The following ADAMTS9 variants were observed in gnomAD, a reference collection of about 807,000 sequenced individuals.
The protein encoded by ADAMTS9 is ADAM metallopeptidase with thrombospondin type 1 motif 9.
ADAMTS9 carries 107 observed loss-of-function variants against 257.1 expected under a neutral mutation model. That is an observed-to-expected ratio of 0.42 (90% CI 0.36 to 0.49). ADAMTS9 has a LOEUF of 0.49. Ranked by LOEUF, ADAMTS9 falls within the 20% of genes least tolerant of loss-of-function variation. The pLI, the probability that ADAMTS9 is intolerant of heterozygous loss-of-function variation, is 0.03. For synonymous variants in ADAMTS9, 982 were observed against 880.9 expected (o/e 1.11, Z -2.03); for missense variants, 2,353 against 2,469.1 (o/e 0.95, Z 1.00).
At chr3:64,606,447 C>A (rs1470769818) in intron 23 of ADAMTS9, among the ~76,000 whole-genome samples, 1 of 152,112 alleles carries the variant, frequency 6.6e-6, no homozygotes, top group Non-Finnish European at 1.5e-5. Context: ...CAGACACATA[C>A]GTACATTGTA....
At chr3:64,605,292 G>A (rs72889095) in intron 23 of ADAMTS9, among the ~76,000 whole-genome samples, 2,385 of 152,264 alleles carry the variant, frequency 0.016, 62 homozygotes, top group African/African-American at 0.054. Context: ...GAATCTGAAA[G>A]GGAGCAGCCA....
intron 9 of ADAMTS9, 77 bp from the exon 10 acceptor site, chr3:64,649,855 AC>A: frequency 6.7e-7 from 1 of 1,489,884 alleles, no homozygotes; most frequent in Non-Finnish European, 9.0e-7. Flanking sequence ...AGTAAAGGCC[AC>A]CCCACCATTG....
intron 39 of ADAMTS9, among the ~76,000 whole-genome samples, chr3:64,518,512 C>G (rs2082809112): frequency 6.6e-6 from 1 of 152,156 alleles, no homozygotes; most frequent in African/African-American, 2.4e-5. Context: ...ATAATGTACT[C>G]AGGTCAGGGA....
At chr3:64,569,664 A>G (rs2083630315) in intron 28 of ADAMTS9, among the ~76,000 whole-genome samples, 1 of 152,210 alleles carries the variant, frequency 6.6e-6, no homozygotes, top group African/African-American at 2.4e-5. Flanking sequence ...AATGTACCAG[A>G]CATGTTTTTC....
Position 64,686,721 on chromosome 3 carries a change from A to T in ADAMTS9, c.363T>A (p.Ala121=). Residue 121 remains alanine (A), a synonymous_variant, in exon 2 of 40, where the codon GCT becomes GCA. Transcript: ENST00000498707. This position sits in a 1 kb window ranked among gnomAD's most constrained non-coding sequence, Gnocchi z 4.6. The part of the protein sequence containing the change: ...FNLTANAGFI[A]PLFTVTLLGT... ...CGAGGAGGGTGACAGTGAACAGTGGAGCGATAAATCCGGCATTGGCGGTGA... is the reference window on the plus strand; with the variant it reads ...CGAGGAGGGTGACAGTGAACAGTGGTGCGATAAATCCGGCATTGGCGGTGA... The T allele has an allele frequency of 6.2e-7, 1 of 1,614,190 alleles. No individual in the cohort carries two copies. Among genetic ancestry groups the T allele is most frequent in the Non-Finnish European group, 8.5e-7 (1 of 1,180,038 alleles).
At chr3:64,648,660 T>C (rs750781225) in intron 10 of ADAMTS9, among the ~76,000 whole-genome samples, 11 of 152,190 alleles carry the variant, frequency 7.2e-5, no homozygotes, top group Non-Finnish European at 1.5e-4. Context: ...AGTTTCAAAC[T>C]ACCCAGTCTT....
chr3:64,628,663 T>C (rs1274873287), intron 16 of ADAMTS9, among the ~76,000 whole-genome samples: 2 of 152,144 alleles, frequency 1.3e-5, no homozygotes, highest in African/African-American at 4.8e-5. Flanking sequence ...ATGTTTGGGG[T>C]AGTGAAAAGC....
chr3:64,601,985 C>T lies in ADAMTS9; in HGVS notation c.3976G>A (p.Val1326Met). The change falls in exon 26 of 40, where the codon GTG becomes ATG. Residue 1326 changes from valine (V) to methionine (M), a missense_variant. Physicochemically the swap from Val to Met is conservative, Grantham distance 21. Around this residue, in one of 3 missense-constraint regions of ADAMTS9, gnomAD observed 1,402 missense variants for 1,441.4 expected, o/e 0.97. Coordinates refer to ENST00000498707, the MANE Select transcript of ADAMTS9 (RefSeq NM_182920.2). ...GTTCTCCACTGGTTTCCACCGAGCA[C>T]ATGGGTGCGGCTGGGGCTGGCGCTC... ...PRSASPSRTHVLGGNQWRTGP... is the reference protein window; with the variant it reads ...PRSASPSRTHMLGGNQWRTGP... The T allele has an allele frequency of 1.2e-6, 2 of 1,613,606 alleles. No individual in the cohort carries two copies. Among genetic ancestry groups the T allele is most frequent in the Middle Eastern group, 1.7e-4 (1 of 6,060 alleles).
intron 31 of ADAMTS9, among the ~76,000 whole-genome samples, chr3:64,548,686 TA>T (rs2083232979): frequency 6.6e-6 from 1 of 152,150 alleles, no homozygotes. Context: ...CACATCTCTA[TA>T]AAGAAGCTGG....
intron 26 of ADAMTS9, among the ~76,000 whole-genome samples, chr3:64,598,789 AAT>A (rs1275424249): frequency 6.6e-6 from 1 of 152,144 alleles, no homozygotes; most frequent in East Asian, 1.9e-4. Context: ...TCTCCTTGAT[AAT>A]ATAATCTTGT....
At chr3:64,659,869 A>G (rs751438700) in intron 3 of ADAMTS9, among the ~76,000 whole-genome samples, 1 of 152,076 alleles carries the variant, frequency 6.6e-6, no homozygotes, top group Non-Finnish European at 1.5e-5. Flanking sequence ...AAAATTGACA[A>G]TTAGAAGCTT....
At position 64,686,379 on chromosome 3, in the gene ADAMTS9, G is replaced by A. The variant is rs973906934; in HGVS notation, c.516+189C>T. Among the ~76,000 whole-genome samples the A allele has an allele frequency of 1.3e-5, 2 of 152,264 alleles. No individual in the cohort carries two copies. Among genetic ancestry groups the A allele is most frequent in the Admixed American group, 1.3e-4 (2 of 15,290 alleles). ...GAAGCCCCTGGGGGCGGGTGTGTGC[G>A]CTCCACGCCAGTGTACTCGCACGCA... On this transcript the variant is annotated intron_variant, in intron 2 of 39. Transcript: ENST00000498707. This position sits in a 1 kb window ranked among gnomAD's most constrained non-coding sequence, Gnocchi z 4.6.
intron 16 of ADAMTS9, among the ~76,000 whole-genome samples, chr3:64,630,528 G>A (rs1346096607): frequency 6.6e-6 from 1 of 152,188 alleles, no homozygotes; most frequent in Non-Finnish European, 1.5e-5. Flanking sequence ...AGTGAGCTGT[G>A]ATCACACCAC....
chr3:64,552,846 C>G (rs2083287293), intron 30 of ADAMTS9, among the ~76,000 whole-genome samples: 1 of 152,200 alleles, frequency 6.6e-6, no homozygotes, highest in African/African-American at 2.4e-5. Flanking sequence ...CGTCAGCCAT[C>G]ATGCCCAGCT....
intron 39 of ADAMTS9, among the ~76,000 whole-genome samples, chr3:64,521,045 C>T (rs1253891963): frequency 1.3e-5 from 2 of 152,034 alleles, no homozygotes; most frequent in Non-Finnish European, 2.9e-5. Context: ...TTAACCTATA[C>T]ATTTGATAAA....
chr3:64,520,441 T>C (rs1391250302), intron 39 of ADAMTS9, among the ~76,000 whole-genome samples: 1 of 152,160 alleles, frequency 6.6e-6, no homozygotes, highest in Non-Finnish European at 1.5e-5. Flanking sequence ...AGAAGAACTA[T>C]TCTAAAATTG....
In ADAMTS9 at chr3:64,647,923, A is replaced by G. The variant is rs560523350; in HGVS notation, c.1710+17T>C. 1.7e-5 allele frequency: 27 copies of G among 1,610,546 alleles called. No homozygotes were observed. The South Asian group carries it at 3.0e-4, about 18-fold the overall frequency. ...TTTCTGCCCTAAGACAGAAGGACAGAACAGGGCATTACTTGCCTTTCCAGG... is the reference window on the plus strand; with the variant it reads ...TTTCTGCCCTAAGACAGAAGGACAGGACAGGGCATTACTTGCCTTTCCAGG... On this transcript the variant is annotated intron_variant, in intron 11 of 39. Coordinates refer to ENST00000498707, the MANE Select transcript of ADAMTS9 (RefSeq NM_182920.2).
chr3:64,566,875 G>T (rs1339205779), intron 29 of ADAMTS9, among the ~76,000 whole-genome samples: 1 of 152,108 alleles, frequency 6.6e-6, no homozygotes, highest in Non-Finnish European at 1.5e-5. Context: ...AAAAAAAAGG[G>T]ATGGAAGTTA....
At chr3:64,545,290 T>C (rs980891540) in intron 32 of ADAMTS9, among the ~76,000 whole-genome samples, 8 of 152,190 alleles carry the variant, frequency 5.3e-5, no homozygotes, top group African/African-American at 1.9e-4. Context: ...ATCATGCTGC[T>C]ATAAAGACAC....
Sources: gnomAD v4.1 joint callset for allele counts (sites outside exome capture counted in the v4.1 genomes callset) on GRCh38, gnomAD v4.1.1 for gene constraint, gnomAD v4.1.1 regional missense constraint, Gnocchi (gnomAD v3.1) non-coding constraint, MANE v1.5 for transcripts, NCBI Gene and HGNC (gene_info 2026-07-23, HGNC 2026-07-21) for gene names.